The following DNAAF5 variants were observed in gnomAD, a reference collection of about 807,000 sequenced individuals.
The protein encoded by DNAAF5 is HEAT repeat containing 2.
A neutral mutation model predicts 75.8 loss-of-function variants in DNAAF5; 64 were observed. The ratio of observed to expected loss-of-function variants is 0.84; its 90% CI spans 0.69 to 1.04. DNAAF5 has a LOEUF of 1.04. Ranked by LOEUF, DNAAF5 falls within the 50% of genes least tolerant of loss-of-function variation. The pLI, the probability that DNAAF5 is intolerant of heterozygous loss-of-function variation, is 0.00. For missense variants in DNAAF5, 1,269 were observed against 1,178.5 expected, an observed-to-expected ratio of 1.08 and a Z score of -1.12; for synonymous variants, 657 against 557.2, an observed-to-expected ratio of 1.18 and a Z score of -2.52.
chr7:761,987 C>T (rs1782664650), intron 7 of DNAAF5, 91 bp downstream of exon 7: 3 of 152,724 alleles, frequency 2.0e-5, no homozygotes, highest in East Asian at 1.2e-4. Context: ...CCTATGCATC[C>T]CCTCTGTGCT....
At chr7:768,322 G>T (rs1463597635) in intron 8 of DNAAF5, among the ~76,000 whole-genome samples, 1 of 150,800 alleles carries the variant, frequency 6.6e-6, no homozygotes, top group African/African-American at 2.4e-5. Context: ...GCGAGCAGGA[G>T]CTCTCGCTGG....
At chr7:768,811 G>A (rs1279272353) in intron 8 of DNAAF5, 1 of 271,702 alleles carries the variant, frequency 3.7e-6, no homozygotes, top group Non-Finnish European at 7.1e-6. Context: ...GTGGACATTT[G>A]GCTGTTTTCT....
Position 785,746 on chromosome 7 carries a change from C to A in DNAAF5, c.*93C>A. The A allele has an allele frequency of 1.4e-6, 2 of 1,443,730 alleles. No individual in the cohort carries two copies. Among genetic ancestry groups the A allele is most frequent in the Non-Finnish European group, 1.9e-6 (2 of 1,066,658 alleles). The allele number at this position is 1,443,730 out of a possible 1,614,324, so 89.4% of individuals were successfully genotyped here. ...CATAAACAAGGCACCTCTGTGCCAG[C>A]AGTGAGACTGTGACAGCAAGAATGT... is the stretch of plus-strand genomic sequence containing the variant. On this transcript the variant is annotated 3_prime_UTR_variant, in exon 13 of 13. Transcript: ENST00000297440.
At chr7:781,100 C>A (rs1778925812) in intron 12 of DNAAF5, among the ~76,000 whole-genome samples, 1 of 152,152 alleles carries the variant, frequency 6.6e-6, no homozygotes, top group Non-Finnish European at 1.5e-5. Context: ...ACCATAGTCA[C>A]CCTGTTGTGC....
At chr7:745,007 A>G (rs1782035775) in intron 4 of DNAAF5, among the ~76,000 whole-genome samples, 1 of 152,186 alleles carries the variant, frequency 6.6e-6, no homozygotes, top group South Asian at 2.1e-4. Context: ...GTGGAATCCC[A>G]CGCGTGCTGT....
intron 4 of DNAAF5, among the ~76,000 whole-genome samples, chr7:745,497 TCG>T (rs1306499800): frequency 6.6e-6 from 1 of 152,220 alleles, no homozygotes; most frequent in African/African-American, 2.4e-5. Flanking sequence ...TACATGCATA[TCG>T]CACACACGTG....
At chr7:766,652 G>A (rs1043797731) in intron 8 of DNAAF5, among the ~76,000 whole-genome samples, 44 of 152,252 alleles carry the variant, frequency 2.9e-4, no homozygotes, top group African/African-American at 9.4e-4. Context: ...GGTGGCTCAC[G>A]CCTATAATCT....
At chr7:744,151 C>A (rs1170168287) in intron 4 of DNAAF5, among the ~76,000 whole-genome samples, 1 of 152,012 alleles carries the variant, frequency 6.6e-6, no homozygotes, top group Non-Finnish European at 1.5e-5. Context: ...CATGTGTTCT[C>A]ATTGTTCAAT....
chr7:729,614 G>T, intron 1 of DNAAF5, 49 bp from the exon 2 acceptor site: 1 of 1,568,460 alleles, frequency 6.4e-7, no homozygotes, highest in South Asian at 1.1e-5. Context: ...AGAGCTGGGC[G>T]AGGCGTGTGG....
intron 8 of DNAAF5, among the ~76,000 whole-genome samples, chr7:766,914 C>T (rs771461836): frequency 3.9e-5 from 6 of 152,128 alleles, no homozygotes; most frequent in Non-Finnish European, 8.8e-5. Flanking sequence ...AACTATCCAG[C>T]CCTTCTAGTG....
chr7:766,884 T>G (rs1445947257), intron 8 of DNAAF5, among the ~76,000 whole-genome samples: 1 of 152,068 alleles, frequency 6.6e-6, no homozygotes, highest in Non-Finnish European at 1.5e-5. Context: ...TTAATACAAC[T>G]AATAAGCAAA....
intron 8 of DNAAF5, among the ~76,000 whole-genome samples, chr7:766,863 A>G (rs1043852893): frequency 3.3e-5 from 5 of 152,234 alleles, no homozygotes; most frequent in Non-Finnish European, 5.9e-5. Flanking sequence ...TCCACATTTT[A>G]TAAAAAAGAA....
rs755610202 is a variant in DNAAF5, at chr7:785,591, C to T, written c.2506C>T (p.Arg836Cys). 3.4e-5 allele frequency: 55 copies of T among 1,613,150 alleles called. No homozygotes were observed. The highest frequency in any genetic ancestry group is 4.5e-5 in the East Asian group (2 of 44,896). Residue 836 changes from arginine to cysteine, a missense_variant, in exon 13 of 13, where the codon CGC (arginine) becomes TGC (cysteine). Transcript: ENST00000297440. ...GACGGAGGCCGTCATCCACAAGCAC[C>T]GCTCGGCCACCTACTGCGAGCAGCT... The part of the protein sequence containing the change: ...RETEAVIHKH[R>C]SATYCEQLLQ...
intron 11 of DNAAF5, among the ~76,000 whole-genome samples, chr7:776,074 T>C (rs1778752123): frequency 6.6e-6 from 1 of 152,056 alleles, no homozygotes; most frequent in Non-Finnish European, 1.5e-5. Flanking sequence ...GCACGGTGGC[T>C]CACGCCTGTA....
At position 775,038 on chromosome 7, in the gene DNAAF5, G is replaced by T. The variant is rs1338353334; in HGVS notation, c.2115G>T (p.Gln705His). The T allele has an allele frequency of 6.2e-7, 1 of 1,613,854 alleles. No homozygotes were observed. Among genetic ancestry groups the T allele is most frequent in the Non-Finnish European group, 8.5e-7 (1 of 1,179,966 alleles). ...IRDVQETLMP[Q>H]VLTTLEEDSK... Reference sequence around the variant, plus strand: ...ACGTGCAGGAAACACTGATGCCCCAGGTCCTGACCACCCTGGAGGAGGATT... The same window carrying T: ...ACGTGCAGGAAACACTGATGCCCCATGTCCTGACCACCCTGGAGGAGGATT... Residue 705 changes from glutamine to histidine, a missense_variant, in exon 11 of 13, where the codon CAG becomes CAT. Transcript: ENST00000297440.
At chr7:733,696 A>G (rs1343909586) in intron 2 of DNAAF5, among the ~76,000 whole-genome samples, 1 of 152,012 alleles carries the variant, frequency 6.6e-6, no homozygotes, top group Admixed American at 6.6e-5. Flanking sequence ...CAGTTTCACC[A>G]TGTTAGCCAG....
Position 727,056 on chromosome 7 carries a change from T to C in DNAAF5, c.336T>C (p.Asp112=). Residue 112 remains aspartate (D), a synonymous_variant, in exon 1 of 13, where the codon GAT becomes GAC. Transcript: ENST00000297440. ...TGCGCCGCGCCGCGCGGCCCCGCGATGCCCTGCCGCGCCTGCTGCCCGCGC... is the reference window on the plus strand; with the variant it reads ...TGCGCCGCGCCGCGCGGCCCCGCGACGCCCTGCCGCGCCTGCTGCCCGCGC... The part of the protein sequence containing the change: ...LGLRRAARPR[D]ALPRLLPALA... 14 of 1,077,054 alleles carry C rather than the reference T, an allele frequency of 1.3e-5. No homozygotes were observed. Among genetic ancestry groups the C allele is most frequent in the Non-Finnish European group, 1.5e-5 (13 of 891,278 alleles). 66.7% of individuals were successfully genotyped at this position (1,077,054 alleles called of 1,614,324 possible).
intron 7 of DNAAF5, among the ~76,000 whole-genome samples, chr7:762,734 C>T (rs1236810881): frequency 1.3e-5 from 2 of 151,980 alleles, no homozygotes; most frequent in African/African-American, 4.8e-5. Context: ...CTGCCTCAGC[C>T]TCCTGAGTAG....
In DNAAF5 at chr7:756,912, G is replaced by C; in HGVS notation, c.1388G>C (p.Cys463Ser). ...LLVLASAMRG[C>S]PREALQPHLA... is the part of the protein sequence containing the mutation. ...GTGCTGGCCTCCGCCATGCGGGGTT[G>C]CCCCCGAGAAGCCCTCCAGCCGCAC... Residue 463 changes from cysteine to serine, a missense_variant, in exon 6 of 13, where the codon TGC becomes TCC. Physicochemically the swap from Cys to Ser is moderately radical, Grantham distance 112. Transcript: ENST00000297440. 6.2e-7 allele frequency: 1 copy of C among 1,611,274 alleles called. No individual in the cohort carries two copies. The highest frequency in any genetic ancestry group is 1.1e-5 in the South Asian group (1 of 91,080).
Sources: gnomAD v4.1 joint callset for allele counts (sites outside exome capture counted in the v4.1 genomes callset) on GRCh38, gnomAD v4.1.1 for gene constraint, MANE v1.5 for transcripts, NCBI Gene and HGNC (gene_info 2026-07-23, HGNC 2026-07-21) for gene names.